NRG1: variants seen among roughly 807,000 people sequenced by gnomAD.
NRG1 encodes the protein pro-neuregulin-1, membrane-bound isoform.
Under a neutral mutation model 63.8 loss-of-function variants are expected in NRG1, and 18 were observed. That is an observed-to-expected ratio of 0.28 (90% confidence interval 0.19 to 0.42). The LOEUF (loss-of-function observed/expected upper bound fraction) is 0.42. Ranked by LOEUF, NRG1 falls within the 10% of genes least tolerant of loss-of-function variation. NRG1 has a pLI of 1.00. For missense variants in NRG1, 762 were observed against 814.7 expected, an observed-to-expected ratio of 0.94 and a Z score of 0.79; for synonymous variants, 302 against 301.3, an observed-to-expected ratio of 1.00 and a Z score of -0.02.
At chr8:31,986,107 A>C (rs574854380) in intron 1 of NRG1, among the ~76,000 whole-genome samples, 1 of 152,108 alleles carries the variant, frequency 6.6e-6, no homozygotes, top group Non-Finnish European at 1.5e-5. Context: ...TGCTTGTGTC[A>C]TAGGACTGCA....
rs368066648 is a variant in NRG1 at position 32,267,118 on chromosome 8, GGAAGGAAGGAAGGAGAAA to G, written c.38-328681_38-328664del. On this transcript the variant is annotated intron_variant, in intron 1 of 10. Transcript: ENST00000519301. ...AGAAAGGAAGGAAGGAAGGAGGGAA[GGAAGGAAGGAAGGAGAAA>G]GAAGGAAGGAAGGAGAAAGAAGGAA... Among the ~76,000 whole-genome samples, 112 of 138,808 alleles carry G rather than the reference GGAAGGAAGGAAGGAGAAA, an allele frequency of 8.1e-4. 1 individual carries two copies. Among genetic ancestry groups the G allele is most frequent in the Admixed American group, 3.4e-3 (47 of 13,828 alleles). The allele number at this position is 138,808 out of a possible 152,430, so 91.1% of individuals were successfully genotyped here.
Position 32,742,835 on chromosome 8 carries a change from T to C in NRG1, c.691+102T>C. On this transcript the variant is annotated intron_variant, in intron 7 of 11. Transcript: ENST00000356819. The surrounding 1 kb of genome is among the most constrained non-coding windows in gnomAD (Gnocchi z 4.2). ...CCCTCAGATTCCACCTAGAGCTAGATGTGTCTTACCAGATCTAATATTGAC... is the reference window on the plus strand; with the variant it reads ...CCCTCAGATTCCACCTAGAGCTAGACGTGTCTTACCAGATCTAATATTGAC... 1 of 1,610,648 alleles carries C rather than the reference T, an allele frequency of 6.2e-7. No individual in the cohort carries two copies. The highest frequency in any genetic ancestry group is 8.5e-7 in the Non-Finnish European group (1 of 1,177,770).
intron 1 of NRG1, among the ~76,000 whole-genome samples, chr8:31,832,123 C>G (rs1401212227): frequency 2.0e-5 from 3 of 152,006 alleles, no homozygotes; most frequent in Non-Finnish European, 4.4e-5. Flanking sequence ...ATTGTGGATT[C>G]TTCAGATGTG....
intron 1 of NRG1, among the ~76,000 whole-genome samples, chr8:31,982,575 G>A (rs1405423986): frequency 3.3e-5 from 5 of 152,028 alleles, no homozygotes; most frequent in Admixed American, 6.6e-5. Context: ...ATCTGGAGCA[G>A]AATTTGTTTG....
At chr8:32,293,826 T>C (rs1480288664) in intron 1 of NRG1, among the ~76,000 whole-genome samples, 2 of 151,268 alleles carry the variant, frequency 1.3e-5, no homozygotes, top group East Asian at 3.9e-4. Flanking sequence ...TTCAAGCAAT[T>C]TCCCACCTCA....
intron 1 of NRG1, among the ~76,000 whole-genome samples, chr8:32,584,023 T>A (rs1213255837): frequency 2.0e-5 from 3 of 151,942 alleles, no homozygotes; most frequent in Non-Finnish European, 4.4e-5. Flanking sequence ...AAAAGATTCT[T>A]TAAGGAATTT....
At chr8:32,397,523 T>C (rs1313027969) in intron 1 of NRG1, among the ~76,000 whole-genome samples, 1 of 96,704 alleles carries the variant, frequency 1.0e-5, no homozygotes, top group East Asian at 2.2e-4. Flanking sequence ...TGACTTAACA[T>C]CAAAAAAAAA....
At chr8:31,956,046 AAAAAAAACAAAAAAAC>A (rs1158347409) in intron 1 of NRG1, among the ~76,000 whole-genome samples, 6 of 150,020 alleles carry the variant, frequency 4.0e-5, no homozygotes, top group African/African-American at 1.5e-4. Flanking sequence ...GTCTCAAAAA[AAAAAAAACAAAAAAAC>A]AAAAAAACAA....
chr8:32,681,894 T>C (rs934085350), intron 5 of NRG1, among the ~76,000 whole-genome samples: 1 of 152,204 alleles, frequency 6.6e-6, no homozygotes, highest in Non-Finnish European at 1.5e-5. Flanking sequence ...AAATGTTGAC[T>C]ATTTCCAAAT....
At chr8:32,539,116 G>A (rs2129520407) in intron 1 of NRG1, among the ~76,000 whole-genome samples, 1 of 152,268 alleles carries the variant, frequency 6.6e-6, no homozygotes. Flanking sequence ...TGGCCAGGGT[G>A]CCCACAATGC....
At chr8:32,336,011 T>A (rs2129477932) in intron 1 of NRG1, among the ~76,000 whole-genome samples, 1 of 151,912 alleles carries the variant, frequency 6.6e-6, no homozygotes, top group East Asian at 1.9e-4. Context: ...CACTGGAAAT[T>A]GTATCATACA....
chr8:32,770,361 T>A (rs1232112581), downstream of NRG1, among the ~76,000 whole-genome samples: 1 of 152,192 alleles, frequency 6.6e-6, no homozygotes, highest in African/African-American at 2.4e-5. Context: ...GTTACACATC[T>A]AAGAGAGCTG....
chr8:32,213,532 G>A (rs1844904998), intron 1 of NRG1, among the ~76,000 whole-genome samples: 1 of 151,922 alleles, frequency 6.6e-6, no homozygotes, highest in Admixed American at 6.6e-5. Flanking sequence ...GTGATGGGTC[G>A]ATAGGTGCAG....
intron 1 of NRG1, among the ~76,000 whole-genome samples, chr8:32,274,283 A>T (rs1261509942): frequency 6.6e-6 from 1 of 152,148 alleles, no homozygotes; most frequent in Non-Finnish European, 1.5e-5. Context: ...CATTCAAAAC[A>T]ATGCACGTGC....
chr8:32,665,618 C>T (rs1369762965), intron 5 of NRG1, among the ~76,000 whole-genome samples: 4 of 152,110 alleles, frequency 2.6e-5, no homozygotes, highest in African/African-American at 9.7e-5. Context: ...AAGAGGCAAT[C>T]AGTGTATTGG....
chr8:32,463,293 C>G (rs946810197), intron 1 of NRG1, among the ~76,000 whole-genome samples: 3 of 152,122 alleles, frequency 2.0e-5, no homozygotes, highest in Non-Finnish European at 4.4e-5. Context: ...GTGTTTATTT[C>G]ATCTCTTTTG....
Position 31,897,834 on chromosome 8 carries a change from T to A in NRG1, c.37+258403T>A, listed in dbSNP as rs540793045. 2.7e-5 allele frequency among the ~76,000 whole-genome samples: 4 copies of A among 149,082 alleles called. No individual in the cohort carries two copies. In the South Asian group the frequency reaches 8.7e-4, roughly 32 times the overall value. ...GTTCGAGACAAGCCTGGCCAACATG[T>A]TGAAACCCTATTTCTACTAAAAATA... On this transcript the variant is annotated intron_variant, in intron 1 of 10. Transcript: ENST00000519301.
chr8:31,991,289 T>A (rs975683856), intron 1 of NRG1, among the ~76,000 whole-genome samples: 18 of 151,408 alleles, frequency 1.2e-4, no homozygotes, highest in African/African-American at 3.6e-4. Context: ...GACAACAACT[T>A]CTTCTTCTTC....
intron 1 of NRG1, among the ~76,000 whole-genome samples, chr8:32,292,445 G>A (rs916283551): frequency 5.3e-5 from 8 of 152,118 alleles, no homozygotes; most frequent in African/African-American, 1.2e-4. Context: ...CCAAACTGAC[G>A]GTTTGGAACA....
Sources: gnomAD v4.1 joint callset for allele counts (sites outside exome capture counted in the v4.1 genomes callset) on GRCh38, gnomAD v4.1.1 for gene constraint, Gnocchi (gnomAD v3.1) non-coding constraint, MANE v1.5 for transcripts, NCBI Gene and HGNC (gene_info 2026-07-23, HGNC 2026-07-21) for gene names.